The following RPH3A variants were observed in gnomAD, a reference collection of about 807,000 sequenced individuals.
The protein encoded by RPH3A is rabphilin 3A.
A neutral mutation model predicts 102.2 loss-of-function variants in RPH3A; 48 were observed. The observed-to-expected ratio is 0.47, with a 90% CI of 0.37 to 0.60. The LOEUF is 0.60. RPH3A is among the 20% of genes least tolerant of loss of function. RPH3A has a pLI of 0.00. For synonymous variants in RPH3A, 310 were observed against 324.3 expected (o/e 0.96, Z 0.47); for missense variants, 781 against 910.1 (o/e 0.86, Z 1.83).
At chr12:112,717,247 C>T (rs978175858) in intron 1 of RPH3A, among the ~76,000 whole-genome samples, 13 of 152,060 alleles carry the variant, frequency 8.5e-5, no homozygotes, top group Non-Finnish European at 1.3e-4. Flanking sequence ...TGCATAGTGA[C>T]GTAACCACTA....
chr12:112,699,551 T>C (rs1254907601), intron 1 of RPH3A, among the ~76,000 whole-genome samples: 1 of 152,232 alleles, frequency 6.6e-6, no homozygotes, highest in Non-Finnish European at 1.5e-5. Flanking sequence ...ATTCCATTTA[T>C]ATGAAACTGT....
intron 1 of RPH3A, among the ~76,000 whole-genome samples, chr12:112,776,377 A>T (rs1240487751): frequency 6.6e-6 from 1 of 152,212 alleles, no homozygotes; most frequent in Admixed American, 6.5e-5. Flanking sequence ...CTGGGCAGTC[A>T]TGCTGATCTG....
intron 1 of RPH3A, among the ~76,000 whole-genome samples, chr12:112,662,363 C>A (rs1315974824): frequency 6.6e-6 from 1 of 152,194 alleles, no homozygotes; most frequent in Non-Finnish European, 1.5e-5. Flanking sequence ...ATCCATCCAT[C>A]CATCAGTCCA....
intron 2 of RPH3A, among the ~76,000 whole-genome samples, 164 bp downstream of exon 2, chr12:112,792,427 G>A (rs185819463): frequency 1.3e-5 from 2 of 152,330 alleles, no homozygotes; most frequent in East Asian, 3.9e-4. Flanking sequence ...TATCACCTAA[G>A]CGGCATCCCA....
At chr12:112,879,539 C>G (rs1246973873) in intron 14 of RPH3A, among the ~76,000 whole-genome samples, 1 of 152,190 alleles carries the variant, frequency 6.6e-6, no homozygotes, top group African/African-American at 2.4e-5. Flanking sequence ...CCTGGCTCGA[C>G]AGCTGACATG....
At chr12:112,794,412 G>GT (rs1457964477) in intron 2 of RPH3A, among the ~76,000 whole-genome samples, 2 of 152,230 alleles carry the variant, frequency 1.3e-5, no homozygotes, top group South Asian at 2.1e-4. Context: ...GAGAGGCCCT[G>GT]TTTGGGGTGA....
rs528514651 is a variant in RPH3A at position 112,739,808 on chromosome 12, C to T, written c.-139-52335C>T. Among the ~76,000 whole-genome samples the T allele has an allele frequency of 1.4e-3, 212 of 152,308 alleles. 1 individual carries two copies. Among genetic ancestry groups the T allele is most frequent in the South Asian group, 0.012 (58 of 4,822 alleles). On this transcript the variant is annotated intron_variant, in intron 1 of 21. Transcript: ENST00000543106. ...GAGGCAATGGCATTACAGGAGAAGGCAGAAGGAAGGAAAGACCAAGGAATT... is the reference window on the plus strand; with the variant it reads ...GAGGCAATGGCATTACAGGAGAAGGTAGAAGGAAGGAAAGACCAAGGAATT...
At chr12:112,750,344 A>T (rs2040778443) in intron 1 of RPH3A, among the ~76,000 whole-genome samples, 3 of 152,144 alleles carry the variant, frequency 2.0e-5, no homozygotes, top group Admixed American at 2.0e-4. Context: ...GACATGAGAA[A>T]GTAAGAGAAG....
chr12:112,892,312 G>A (rs780676512), intron 19 of RPH3A, among the ~76,000 whole-genome samples: 23 of 152,218 alleles, frequency 1.5e-4, no homozygotes, highest in Non-Finnish European at 2.8e-4. Context: ...ACCAAGAGAA[G>A]ATACAGGTGT....
chr12:112,885,662 G>T (rs1377890541), intron 16 of RPH3A, among the ~76,000 whole-genome samples: 1 of 152,106 alleles, frequency 6.6e-6, no homozygotes, highest in African/African-American at 2.4e-5. Flanking sequence ...ATTTGATACA[G>T]GTATACAGTG....
At chr12:112,687,577 C>A (rs1465230891) in intron 1 of RPH3A, among the ~76,000 whole-genome samples, 1 of 152,202 alleles carries the variant, frequency 6.6e-6, no homozygotes, top group African/African-American at 2.4e-5. Flanking sequence ...GTACTGTCTA[C>A]CACGTGTGCT....
chr12:112,717,222 A>G (rs1239702492), intron 1 of RPH3A, among the ~76,000 whole-genome samples: 1 of 152,104 alleles, frequency 6.6e-6, no homozygotes, highest in East Asian at 1.9e-4. Context: ...ACACAGTTCT[A>G]TGAGTTTTGA....
chr12:112,661,491 G>C (rs1175201828), intron 1 of RPH3A, among the ~76,000 whole-genome samples: 1 of 152,208 alleles, frequency 6.6e-6, no homozygotes, highest in Non-Finnish European at 1.5e-5. Flanking sequence ...ATAGAAAGTG[G>C]TTGGTAAATG....
intron 10 of RPH3A, among the ~76,000 whole-genome samples, chr12:112,872,713 G>C (rs1288445787): frequency 1.3e-5 from 2 of 152,130 alleles, no homozygotes; most frequent in Non-Finnish European, 2.9e-5. Flanking sequence ...TTCATTTTGA[G>C]TTAATTTCCA....
chr12:112,694,551 AAG>A (rs1055983413), intron 1 of RPH3A, among the ~76,000 whole-genome samples: 35 of 149,514 alleles, frequency 2.3e-4, no homozygotes, highest in Admixed American at 5.3e-4. Context: ...GGCGGGGAAA[AAG>A]AGAGAGAGAG....
At chr12:112,661,223 G>A (rs2040046760) in intron 1 of RPH3A, among the ~76,000 whole-genome samples, 1 of 152,058 alleles carries the variant, frequency 6.6e-6, no homozygotes, top group Non-Finnish European at 1.5e-5. Flanking sequence ...TGAGATCTTG[G>A]GTGCCTCACT....
chr12:112,792,874 G>C (rs1421473862), intron 2 of RPH3A, among the ~76,000 whole-genome samples: 1 of 152,210 alleles, frequency 6.6e-6, no homozygotes, highest in Non-Finnish European at 1.5e-5. Context: ...CCTGGGATGA[G>C]TGGTCAGGCT....
At chr12:112,780,745 C>T (rs747475830) in intron 1 of RPH3A, among the ~76,000 whole-genome samples, 1 of 152,198 alleles carries the variant, frequency 6.6e-6, no homozygotes, top group African/African-American at 2.4e-5. Flanking sequence ...AGAACCTCTG[C>T]TTCCTTTCCC....
At chr12:112,788,924 C>T (rs574477943), upstream of RPH3A, among the ~76,000 whole-genome samples, 18 of 152,178 alleles carry the variant, frequency 1.2e-4, no homozygotes, top group South Asian at 3.1e-3. Context: ...TTTGGGAGGT[C>T]GACGTGGGCA....
Sources: gnomAD v4.1 joint callset for allele counts (sites outside exome capture counted in the v4.1 genomes callset) on GRCh38, gnomAD v4.1.1 for gene constraint, MANE v1.5 for transcripts, NCBI Gene and HGNC (gene_info 2026-07-23, HGNC 2026-07-21) for gene names.